The following DHRS7B variants were observed in gnomAD, a reference collection of about 807,000 sequenced individuals.
DHRS7B encodes the protein dehydrogenase/reductase 7B.
Under a neutral mutation model 26.4 loss-of-function variants are expected in DHRS7B, and 24 were observed. The ratio of observed to expected loss-of-function variants is 0.91; its 90% confidence interval spans 0.66 to 1.28. The LOEUF (loss-of-function observed/expected upper bound fraction) is 1.28, where lower values mean the gene tolerates loss of function less well. Ranked by LOEUF, DHRS7B falls within the 50% of genes most tolerant of loss-of-function variation. DHRS7B has a pLI of 0.00. For missense variants in DHRS7B, 368 were observed against 419.4 expected, an observed-to-expected ratio of 0.88 and a Z score of 1.07; for synonymous variants, 142 against 166.4, an observed-to-expected ratio of 0.85 and a Z score of 1.13.
chr17:21,145,311 G>A (rs1445657108), intron 1 of DHRS7B, among the ~76,000 whole-genome samples: 3 of 151,476 alleles, frequency 2.0e-5, no homozygotes, highest in Admixed American at 6.6e-5. Flanking sequence ...GCGACAGAGC[G>A]AGACGCCGTC....
intron 1 of DHRS7B, among the ~76,000 whole-genome samples, chr17:21,131,512 T>C (rs961769198): frequency 2.6e-5 from 4 of 152,202 alleles, no homozygotes; most frequent in African/African-American, 4.8e-5. Flanking sequence ...CATTTTCCAT[T>C]TGGTGGGTTT....
chr17:21,171,800 G>C (rs1974253251), intron 1 of DHRS7B: 1 of 682,092 alleles, frequency 1.5e-6, no homozygotes, highest in Admixed American at 2.1e-5. Context: ...GAGGCCTGTG[G>C]CTTTTCTGTC....
At chr17:21,187,416 T>G (rs1974663519) in intron 5 of DHRS7B, among the ~76,000 whole-genome samples, 1 of 151,572 alleles carries the variant, frequency 6.6e-6, no homozygotes, top group Non-Finnish European at 1.5e-5. Flanking sequence ...ACGAGGTCAG[T>G]AGATCCAGAC....
At chr17:21,156,243 T>G (rs1294260732) in intron 1 of DHRS7B, among the ~76,000 whole-genome samples, 2 of 152,110 alleles carry the variant, frequency 1.3e-5, no homozygotes, top group Non-Finnish European at 2.9e-5. Context: ...GCTAAAAAAC[T>G]AAGGCACAAA....
chr17:21,166,231 T>C (rs1352225825), intron 1 of DHRS7B: 2 of 985,350 alleles, frequency 2.0e-6, no homozygotes, highest in Admixed American at 6.1e-5. Context: ...CTCAGGAGCC[T>C]GGTCTGAAAT....
intron 1 of DHRS7B, 43 bp downstream of exon 1, chr17:21,127,034 G>T (rs767739473): frequency 3.3e-5 from 49 of 1,497,544 alleles, no homozygotes; most frequent in Non-Finnish European, 4.3e-5. Flanking sequence ...GAGGCGATAG[G>T]GTCTGGCCTT....
chr17:21,168,583 G>A (rs1317618055), intron 1 of DHRS7B, among the ~76,000 whole-genome samples: 1 of 152,092 alleles, frequency 6.6e-6, no homozygotes, highest in African/African-American at 2.4e-5. Flanking sequence ...TGCCCGGGCT[G>A]GTCTTGAATT....
intron 1 of DHRS7B, among the ~76,000 whole-genome samples, chr17:21,132,671 G>A (rs35928752): frequency 1.3e-5 from 2 of 152,158 alleles, no homozygotes; most frequent in Admixed American, 6.5e-5. Flanking sequence ...GATTGGCTGA[G>A]ACTGGGCTAC....
chr17:21,179,944 T>G (rs1407153502), intron 3 of DHRS7B, among the ~76,000 whole-genome samples: 1 of 151,660 alleles, frequency 6.6e-6, no homozygotes, highest in Non-Finnish European at 1.5e-5. Flanking sequence ...TTTTGTATTT[T>G]TAGTAGAGAC....
chr17:21,180,071 T>G (rs1022384104), intron 3 of DHRS7B, among the ~76,000 whole-genome samples: 1 of 140,702 alleles, frequency 7.1e-6, no homozygotes, highest in African/African-American at 2.8e-5. Context: ...CCAGCCCACT[T>G]TCTTTTTTTT....
chr17:21,167,265 A>T (rs113077118), intron 1 of DHRS7B, among the ~76,000 whole-genome samples: 5 of 152,200 alleles, frequency 3.3e-5, no homozygotes, highest in South Asian at 2.1e-4. Flanking sequence ...GTAAAGGAGC[A>T]GCAGAATCAC....
At chr17:21,144,484 T>C (rs767838182) in intron 1 of DHRS7B, among the ~76,000 whole-genome samples, 35 of 152,216 alleles carry the variant, frequency 2.3e-4, no homozygotes, top group Non-Finnish European at 2.9e-5. Flanking sequence ...CCAGGTTTAC[T>C]GATTCACCCA....
At chr17:21,184,977 AT>A (rs1282279370) in intron 5 of DHRS7B, among the ~76,000 whole-genome samples, 7 of 152,114 alleles carry the variant, frequency 4.6e-5, no homozygotes, top group African/African-American at 1.7e-4. Flanking sequence ...GCATGTATGG[AT>A]TTACCTCATC....
chr17:21,162,475 T>C (rs995218806), intron 1 of DHRS7B, among the ~76,000 whole-genome samples: 3 of 152,224 alleles, frequency 2.0e-5, no homozygotes, highest in Admixed American at 6.5e-5. Flanking sequence ...ATTTCCATGA[T>C]ACAATCTTAT....
chr17:21,147,164 G>GTGCT (rs1444237343), intron 1 of DHRS7B, among the ~76,000 whole-genome samples: 2 of 152,112 alleles, frequency 1.3e-5, no homozygotes, highest in Non-Finnish European at 2.9e-5. Flanking sequence ...GTCTGTTGAG[G>GTGCT]TGCTGAACAG....
intron 1 of DHRS7B, chr17:21,171,611 C>G: frequency 3.3e-6 from 1 of 299,358 alleles, no homozygotes; most frequent in Non-Finnish European, 6.6e-6. Context: ...AAACCCCTTT[C>G]TAGTTTCACA....
chr17:21,138,075 A>AAAAAAAAATATATAT (rs1238830544), intron 1 of DHRS7B, among the ~76,000 whole-genome samples: 1 of 33,228 alleles, frequency 3.0e-5, no homozygotes. Flanking sequence ...TTAAAAAAAA[A>AAAAAAAAATATATAT]ATATATATAT....
chr17:21,188,881 T>C lies in DHRS7B; in HGVS notation c.772+18T>C. ...GTATGGAGGTGAGGCCCGGTTTCTC[T>C]TTTCTCCTATGAAAATCTGTCGGTC... On this transcript the variant is annotated intron_variant, in intron 6 of 6. Transcript: ENST00000395511. 6.2e-7 allele frequency: 1 copy of C among 1,614,120 alleles called. No individual in the cohort carries two copies. Among genetic ancestry groups the C allele is most frequent in the Non-Finnish European group, 8.5e-7 (1 of 1,179,986 alleles).
chr17:21,136,980 T>C (rs570718828), intron 1 of DHRS7B, among the ~76,000 whole-genome samples: 10 of 151,356 alleles, frequency 6.6e-5, no homozygotes, highest in Admixed American at 1.3e-4. Flanking sequence ...ATTTCTTTTT[T>C]TTTTTTGTGA....
Sources: allele counts gnomAD v4.1 joint callset (sites outside exome capture counted in the v4.1 genomes callset), GRCh38; gene constraint gnomAD v4.1.1; transcripts MANE v1.5; gene names NCBI Gene and HGNC (gene_info 2026-07-23, HGNC 2026-07-21).